PHTF2: variants seen among roughly 807,000 people sequenced by gnomAD.
The protein encoded by PHTF2 is protein PHTF2.
Under a neutral mutation model 101.2 loss-of-function variants are expected in PHTF2, and 60 were observed. The ratio of observed to expected loss-of-function variants is 0.59; its 90% CI spans 0.48 to 0.73. PHTF2 has a LOEUF of 0.73. Ranked by LOEUF, PHTF2 falls within the 30% of genes least tolerant of loss-of-function variation. The probability of loss-of-function intolerance (pLI) is 0.00; values close to 1 mark genes in which losing one functional copy is unlikely to be tolerated. For missense variants in PHTF2, 747 were observed against 908.7 expected, an observed-to-expected ratio of 0.82 and a Z score of 2.29; for synonymous variants, 311 against 307.3, an observed-to-expected ratio of 1.01 and a Z score of -0.13.
intron 18 of PHTF2, among the ~76,000 whole-genome samples, chr7:77,953,181 GC>G (rs1316529828): frequency 6.6e-6 from 1 of 152,048 alleles, no homozygotes; most frequent in African/African-American, 2.4e-5. Context: ...CCCATTATTT[GC>G]TTTTTATATG....
intron 9 of PHTF2, among the ~76,000 whole-genome samples, chr7:77,913,488 A>G (rs1562943451): frequency 6.6e-6 from 1 of 152,046 alleles, no homozygotes; most frequent in Non-Finnish European, 1.5e-5. Flanking sequence ...TTTCTATTAA[A>G]GAGATTGAAT....
At chr7:77,805,139 A>T (rs905047706) in intron 1 of PHTF2, among the ~76,000 whole-genome samples, 1 of 152,222 alleles carries the variant, frequency 6.6e-6, no homozygotes, top group South Asian at 2.1e-4. Flanking sequence ...TTGAATTAGC[A>T]TTGATAGTTT....
chr7:77,875,605 T>C (rs904935229), intron 3 of PHTF2, among the ~76,000 whole-genome samples: 3 of 152,062 alleles, frequency 2.0e-5, no homozygotes, highest in Non-Finnish European at 4.4e-5. Context: ...TTGCCCAGGC[T>C]GGAGTGCGGT....
chr7:77,947,339 A>T (rs1168673411), intron 16 of PHTF2, among the ~76,000 whole-genome samples: 1 of 152,132 alleles, frequency 6.6e-6, no homozygotes, highest in East Asian at 1.9e-4. Flanking sequence ...ACGTGGGCGG[A>T]TCACCTGAGG....
At chr7:77,898,988 G>T (rs1392458812) in intron 5 of PHTF2, among the ~76,000 whole-genome samples, 1 of 152,002 alleles carries the variant, frequency 6.6e-6, no homozygotes, top group East Asian at 1.9e-4. Context: ...TTTTAGTAGA[G>T]ACGGGGTTTC....
chr7:77,909,073 C>G, intron 8 of PHTF2, 115 bp downstream of exon 7: 1 of 554,790 alleles, frequency 1.8e-6, no homozygotes, highest in African/African-American at 2.0e-5. Flanking sequence ...GTTGCTGTTT[C>G]AAAAAAACAC....
intron 5 of PHTF2, among the ~76,000 whole-genome samples, chr7:77,895,560 A>G (rs557409390): frequency 6.6e-6 from 1 of 152,280 alleles, no homozygotes; most frequent in South Asian, 2.1e-4. Flanking sequence ...TATCAGGTTG[A>G]CACATTTGGA....
At chr7:77,836,832 G>A (rs1351438706) in intron 1 of PHTF2, among the ~76,000 whole-genome samples, 1 of 152,012 alleles carries the variant, frequency 6.6e-6, no homozygotes, top group African/African-American at 2.4e-5. Flanking sequence ...GGGGGGCTTG[G>A]GGAAGGATAG....
intron 1 of PHTF2, among the ~76,000 whole-genome samples, chr7:77,817,901 A>C (rs180795410): frequency 1.2e-4 from 18 of 152,138 alleles, no homozygotes; most frequent in African/African-American, 4.3e-4. Context: ...CGAAGTCAGC[A>C]GGTCGAGACC....
chr7:77,924,179 CAGA>C (rs1486819855), intron 11 of PHTF2: 15 of 929,072 alleles, frequency 1.6e-5, no homozygotes, highest in Non-Finnish European at 1.9e-5. Flanking sequence ...AAAATGGAAA[CAGA>C]AGATTTGTAG....
intron 12 of PHTF2, among the ~76,000 whole-genome samples, chr7:77,934,355 T>C (rs1408159278): frequency 6.6e-6 from 1 of 152,258 alleles, no homozygotes; most frequent in Non-Finnish European, 1.5e-5. Context: ...GCTGAATATA[T>C]ACTAAAATAT....
chr7:77,928,106 C>T (rs1035310153), intron 11 of PHTF2, among the ~76,000 whole-genome samples: 13 of 151,116 alleles, frequency 8.6e-5, no homozygotes, highest in African/African-American at 2.4e-4. Flanking sequence ...AGTCTGAAGT[C>T]GGTGATAGCA....
chr7:77,853,652 C>G (rs1796944675), intron 2 of PHTF2, among the ~76,000 whole-genome samples: 1 of 152,070 alleles, frequency 6.6e-6, no homozygotes, highest in Admixed American at 6.6e-5. Context: ...CCTCGGCCTC[C>G]CAAAGTGTTG....
At chr7:77,907,249 T>C (rs1801949436) in intron 7 of PHTF2, among the ~76,000 whole-genome samples, 2 of 152,200 alleles carry the variant, frequency 1.3e-5, no homozygotes, top group Admixed American at 1.3e-4. Context: ...ATAACGATGA[T>C]TGGCATTTTA....
At chr7:77,911,817 G>T (rs562101632) in intron 9 of PHTF2, among the ~76,000 whole-genome samples, 2 of 152,178 alleles carry the variant, frequency 1.3e-5, no homozygotes, top group South Asian at 4.1e-4. Context: ...TTAAACTTGG[G>T]TTGAATTCTG....
At chr7:77,825,015 G>GTCTCTAAA (rs1382136164) in intron 1 of PHTF2, among the ~76,000 whole-genome samples, 1 of 152,128 alleles carries the variant, frequency 6.6e-6, no homozygotes, top group East Asian at 1.9e-4. Context: ...TCCAGCCTGG[G>GTCTCTAAA]TGACAGAGCG....
At chr7:77,929,131 G>T in exon 12 of PHTF2, 2 of 1,613,794 alleles carry the variant, frequency 1.2e-6, no homozygotes, top group Non-Finnish European at 1.7e-6. Flanking sequence ...TCGGGTACTA[G>T]TTGCAGCTCT....
rs772507443 is a variant in PHTF2, at chr7:77,840,295, A to G, written c.40A>G (p.Lys14Glu). The G allele has an allele frequency of 1.1e-5, 17 of 1,602,188 alleles. No homozygotes were observed. The highest frequency in any genetic ancestry group is 1.4e-5 in the Non-Finnish European group (16 of 1,169,790). Reference sequence around the variant, plus strand: ...CACAGATGCTATAGTCTGGTATCAAAAGAAGGTAAGTTGATAGTCAAAACT... The same window carrying G: ...CACAGATGCTATAGTCTGGTATCAAGAGAAGGTAAGTTGATAGTCAAAACT... Residue 14 changes from lysine to glutamate, a missense_variant, in exon 2 of 20, where the codon AAG becomes GAG. Coordinates refer to ENST00000416283, the Ensembl canonical transcript of PHTF2.
At chr7:77,955,777 A>G (rs1806957462) in exon 20 of PHTF2, 1 of 152,550 alleles carries the variant, frequency 6.6e-6, no homozygotes, top group Non-Finnish European at 1.5e-5. Flanking sequence ...GGTACACTCT[A>G]GTGTAGGCTA....
Sources: allele counts gnomAD v4.1 joint callset (sites outside exome capture counted in the v4.1 genomes callset), GRCh38; gene constraint gnomAD v4.1.1; transcripts MANE v1.5; gene names NCBI Gene and HGNC (gene_info 2026-07-23, HGNC 2026-07-21).